The following TUSC3 variants were observed in gnomAD, a reference collection of about 807,000 sequenced individuals.
TUSC3 encodes dolichyl-diphosphooligosaccharide--protein glycosyltransferase subunit TUSC3.
In TUSC3, 45 loss-of-function variants were observed where a neutral mutation model predicts 44.8. That is an observed-to-expected ratio of 1.00 (90% confidence interval 0.79 to 1.29). TUSC3 has a LOEUF of 1.29. Ranked by LOEUF, TUSC3 falls within the 50% of genes most tolerant of loss-of-function variation. The pLI, the probability that TUSC3 is intolerant of heterozygous loss-of-function variation, is 0.00. For synonymous variants in TUSC3, 212 were observed against 152.9 expected (o/e 1.39, Z -2.85); for missense variants, 519 against 437.9 (o/e 1.19, Z -1.65).
intron 2 of TUSC3, among the ~76,000 whole-genome samples, chr8:15,626,246 C>T (rs146042019): frequency 1.7e-4 from 26 of 152,272 alleles, no homozygotes; most frequent in African/African-American, 3.4e-4. Context: ...GCCACTTCTA[C>T]GGGGAATAGG....
chr8:15,744,765 T>G (rs1335105466), intron 8 of TUSC3, among the ~76,000 whole-genome samples: 1 of 152,164 alleles, frequency 6.6e-6, no homozygotes, highest in African/African-American at 2.4e-5. Context: ...CACCATGTCC[T>G]TAGGATTGAC....
At chr8:15,746,951 AT>A (rs1026861117) in intron 8 of TUSC3, among the ~76,000 whole-genome samples, 1 of 151,968 alleles carries the variant, frequency 6.6e-6, no homozygotes. Context: ...TCACAGACTC[AT>A]TTTTTGCTTT....
the TUSC3 span, among the ~76,000 whole-genome samples, chr8:15,773,181 A>T: frequency 4.4e-4 from 67 of 152,284 alleles, 1 homozygote; most frequent in Middle Eastern, 3.4e-3. Flanking sequence ...GGAAAGGAAG[A>T]CATAATGCTT....
intron 1 of TUSC3, among the ~76,000 whole-genome samples, chr8:15,431,498 C>T (rs922026634): frequency 6.6e-6 from 1 of 151,706 alleles, no homozygotes; most frequent in South Asian, 2.1e-4. Flanking sequence ...TGTATAGAAA[C>T]ACATCTGATT....
At chr8:15,719,547 C>G (rs1476847676) in intron 6 of TUSC3, among the ~76,000 whole-genome samples, 1 of 148,496 alleles carries the variant, frequency 6.7e-6, no homozygotes, top group African/African-American at 2.5e-5. Flanking sequence ...CACACACACA[C>G]AGCCCCATGA....
At chr8:15,421,385 TA>T (rs142705101) in intron 1 of TUSC3, among the ~76,000 whole-genome samples, 2,304 of 152,272 alleles carry the variant, frequency 0.015, 30 homozygotes, top group Middle Eastern at 0.034. Flanking sequence ...CTTACGGTAG[TA>T]ACTCTCTCTT....
intron 4 of TUSC3, 136 bp from the exon 5 acceptor site, chr8:15,662,020 G>C: frequency 1.1e-6 from 1 of 909,188 alleles, no homozygotes; most frequent in Non-Finnish European, 1.7e-6. Flanking sequence ...AATGAAAGTA[G>C]TGCTAGTGTC....
intron 1 of TUSC3, among the ~76,000 whole-genome samples, chr8:15,444,341 G>C (rs13259441): frequency 0.62 from 94,067 of 152,022 alleles, 30,922 homozygotes; most frequent in Admixed American, 0.72. Context: ...TTTTGCAGTA[G>C]GGGTTACAGA....
chr8:15,766,751 T>G (rs1812342091), downstream of TUSC3: 1 of 152,152 alleles, frequency 6.6e-6, no homozygotes, highest in African/African-American at 2.4e-5. Flanking sequence ...GATGTTGCTG[T>G]AACCGTAGAG....
At chr8:15,483,900 A>T (rs1185907973) in intron 2 of TUSC3, among the ~76,000 whole-genome samples, 1 of 124,042 alleles carries the variant, frequency 8.1e-6, no homozygotes, top group South Asian at 2.7e-4. Context: ...CTCGTGATCC[A>T]CCCACCTTGG....
rs183737443 is a variant in TUSC3 at position 15,490,977 on chromosome 8, C to T, written n.189+7494C>T. Among the ~76,000 whole-genome samples the T allele has an allele frequency of 2.9e-3, 448 of 152,280 alleles. 3 individuals are homozygous for T. Among genetic ancestry groups the T allele is most frequent in the African/African-American group, 0.01 (422 of 41,560 alleles). On this transcript the variant is annotated intron_variant and non_coding_transcript_variant, in intron 2 of 5. Coordinates refer to the TUSC3 transcript ENST00000503191. ...TCTTCCAAAGAGGGTCTGGGGCCCCCCCAATCTTTAAAGAGAAAAGAGAGG... is the reference window on the plus strand; with the variant it reads ...TCTTCCAAAGAGGGTCTGGGGCCCCTCCAATCTTTAAAGAGAAAAGAGAGG...
the TUSC3 span, among the ~76,000 whole-genome samples, chr8:15,789,054 A>C: frequency 6.6e-6 from 1 of 152,202 alleles, no homozygotes; most frequent in Non-Finnish European, 1.5e-5. Flanking sequence ...AGCTCTTGCC[A>C]TTTCAAGGAA....
chr8:15,648,725 CAAAAAAAAAAAA>C (rs58526383), intron 2 of TUSC3, among the ~76,000 whole-genome samples: 44 of 26,158 alleles, frequency 1.7e-3, no homozygotes, highest in South Asian at 6.9e-3. Context: ...GACTCTGTGT[CAAAAAAAAAAAA>C]AAAAAAAAAA....
chr8:15,687,332 T>A (rs1808679928), intron 6 of TUSC3, among the ~76,000 whole-genome samples: 1 of 152,210 alleles, frequency 6.6e-6, no homozygotes, highest in Admixed American at 6.5e-5. Flanking sequence ...AGAGCCTCGC[T>A]TCTTATTGAG....
intron 1 of TUSC3, among the ~76,000 whole-genome samples, chr8:15,605,761 A>G (rs886385949): frequency 6.6e-6 from 1 of 152,046 alleles, no homozygotes; most frequent in African/African-American, 2.4e-5. Context: ...CAAATCACAC[A>G]TGACACCACT....
At chr8:15,441,079 G>T (rs1456315725) in intron 1 of TUSC3, among the ~76,000 whole-genome samples, 5 of 152,160 alleles carry the variant, frequency 3.3e-5, no homozygotes, top group Non-Finnish European at 7.3e-5. Context: ...AACTAAAACT[G>T]CCCTAATAAT....
the TUSC3 span, among the ~76,000 whole-genome samples, chr8:15,848,817 C>T: frequency 2.0e-5 from 3 of 152,216 alleles, no homozygotes; most frequent in African/African-American, 7.2e-5. Flanking sequence ...CCAACTTTTA[C>T]ATTCCTTAAA....
the TUSC3 span, among the ~76,000 whole-genome samples, chr8:15,831,548 A>G: frequency 7.2e-6 from 1 of 138,224 alleles, no homozygotes; most frequent in African/African-American, 2.6e-5. Context: ...AAAGCAAAGA[A>G]TTACAACAAA....
At chr8:15,588,821 C>G (rs1012764738) in intron 1 of TUSC3, among the ~76,000 whole-genome samples, 8 of 152,040 alleles carry the variant, frequency 5.3e-5, no homozygotes, top group Non-Finnish European at 1.2e-4. Context: ...GTCCTTTCCC[C>G]CAGTGTTTGT....
Sources: allele counts gnomAD v4.1 joint callset (sites outside exome capture counted in the v4.1 genomes callset), GRCh38; gene constraint gnomAD v4.1.1; transcripts MANE v1.5; gene names NCBI Gene and HGNC (gene_info 2026-07-23, HGNC 2026-07-21).